ATP11C: variants seen among roughly 807,000 people sequenced by gnomAD.
ATP11C encodes the protein phospholipid-transporting ATPase IG.
Under a neutral mutation model 97.4 loss-of-function variants are expected in ATP11C, and 36 were observed. The observed-to-expected ratio is 0.37, with a 90% CI of 0.28 to 0.49. ATP11C has a LOEUF of 0.49. Among genes scored for constraint, ATP11C ranks in the 20% least tolerant of loss-of-function variants. ATP11C has a pLI of 0.98. For missense variants in ATP11C, 730 were observed against 824.6 expected, an observed-to-expected ratio of 0.89 and a Z score of 1.40; for synonymous variants, 275 against 290.9, an observed-to-expected ratio of 0.95 and a Z score of 0.56.
In ATP11C at chrX:139,932,974, A is replaced by G. The variant is rs1191325306; in HGVS notation, c.-932T>C. 2 of 111,792 alleles carry G rather than the reference A, an allele frequency of 1.8e-5. No homozygotes were observed. The highest frequency in any genetic ancestry group is 3.8e-5 in the Non-Finnish European group (2 of 53,040). The allele number at this position is 111,792 out of a possible 1,213,427, so 9.2% of individuals were successfully genotyped here. On this transcript the variant is annotated 5_prime_UTR_variant, in exon 1 of 30. Transcript: ENST00000682941. ...CACCTACGCGGCTTTCCCTCCTCTCAGTCTTTCTCTCGTCCTGCCTGCCCA... is the reference window on the plus strand; with the variant it reads ...CACCTACGCGGCTTTCCCTCCTCTCGGTCTTTCTCTCGTCCTGCCTGCCCA...
At chrX:139,899,829 C>A (rs149511573) in intron 1 of ATP11C, among the ~76,000 whole-genome samples, 10 of 111,512 alleles carry the variant, frequency 9.0e-5, no homozygotes, top group Non-Finnish European at 1.3e-4. Context: ...AATCAATGAG[C>A]CCTGGACACC....
At chrX:139,790,356 A>C (rs1048191901) in intron 12 of ATP11C, among the ~76,000 whole-genome samples, 8 of 111,355 alleles carry the variant, frequency 7.2e-5, no homozygotes, top group African/African-American at 2.0e-4. Context: ...GGCATGAGCC[A>C]CCATGCCCAG....
intron 1 of ATP11C, among the ~76,000 whole-genome samples, chrX:139,834,160 G>A (rs2083710175): frequency 8.9e-6 from 1 of 111,758 alleles, no homozygotes; most frequent in Non-Finnish European, 1.9e-5. Context: ...TGGTCCACTA[G>A]CAGAGAGTGC....
intron 1 of ATP11C, among the ~76,000 whole-genome samples, chrX:139,919,827 G>A (rs2085226315): frequency 9.0e-6 from 1 of 111,642 alleles, no homozygotes; most frequent in Middle Eastern, 4.7e-3. Flanking sequence ...GCTGAGGCAG[G>A]AGAATTGCTT....
At position 139,798,348 on chromosome X, in the gene ATP11C, G is replaced by A; in HGVS notation, c.782C>T (p.Ala261Val). The A allele has an allele frequency of 8.4e-7, 1 of 1,184,718 alleles. No individual in the cohort carries two copies. Among genetic ancestry groups the A allele is most frequent in the Non-Finnish European group, 1.1e-6 (1 of 875,855 alleles). ...LKNTEKIYGV[A>V]VYTGMETKMA... is the part of the protein sequence containing the mutation. ...TTTGGTTTCCATTCCAGTGTAAACA[G>A]CAACTCCTAAGAAATTACAGAATAT... Residue 261 changes from alanine to valine, a missense_variant, in exon 10 of 30, where the codon GCT becomes GTT. Ala to Val is a moderately conservative substitution (Grantham distance 64). Coordinates refer to ENST00000682941, the MANE Select transcript of ATP11C (RefSeq NM_001353812.2).
rs191454689 is a variant in ATP11C, at chrX:139,787,735, T to G, written c.1520+457A>C. Among the ~76,000 whole-genome samples the G allele has an allele frequency of 4.4e-5, 5 of 112,604 alleles. No homozygotes were observed. The Admixed American group carries it at 4.7e-4, about 11-fold the overall frequency. On this transcript the variant is annotated intron_variant, in intron 14 of 29. Transcript: ENST00000682941. ...AAAGTCAATGCCCAGCCACAATTAT[T>G]GTAACCAAGGGAGAGACAATTTGGG... is the stretch of plus-strand genomic sequence containing the variant.
At chrX:139,887,986 A>C (rs1387187433) in intron 1 of ATP11C, among the ~76,000 whole-genome samples, 2 of 104,265 alleles carry the variant, frequency 1.9e-5, no homozygotes, top group South Asian at 4.1e-4. Flanking sequence ...AAAAAAAAAA[A>C]CACACACACA....
At chrX:139,890,965 G>T (rs145430006) in intron 1 of ATP11C, among the ~76,000 whole-genome samples, 7 of 111,286 alleles carry the variant, frequency 6.3e-5, no homozygotes, top group African/African-American at 2.3e-4. Context: ...GCACAGTGTA[G>T]CCAGCAAACT....
intron 1 of ATP11C, among the ~76,000 whole-genome samples, chrX:139,859,587 T>C (rs2084147950): frequency 8.9e-6 from 1 of 112,056 alleles, no homozygotes; most frequent in East Asian, 2.8e-4. Flanking sequence ...AGACAAATAT[T>C]GCAACCTTAA....
chrX:139,736,465 C>T (rs2081446737), intron 28 of ATP11C, among the ~76,000 whole-genome samples: 1 of 111,482 alleles, frequency 9.0e-6, no homozygotes, highest in African/African-American at 3.3e-5. Flanking sequence ...GGAAGAGCAA[C>T]TTGGAAATCT....
Position 139,897,394 on chromosome X carries a change from G to A in ATP11C, c.27+34622C>T, listed in dbSNP as rs181564116. ...TACTAAAGGTCAACTTCAGTGAAAA[G>A]TGAATTGGGCCGAGCGCAGAGGCTC... On this transcript the variant is annotated intron_variant, in intron 1 of 29. Coordinates refer to ENST00000682941, the MANE Select transcript of ATP11C (RefSeq NM_001353812.2). Among the ~76,000 whole-genome samples, 504 of 111,354 alleles carry A rather than the reference G, an allele frequency of 4.5e-3. 4 individuals are homozygous for A. Among genetic ancestry groups the A allele is most frequent in the Middle Eastern group, 0.014 (3 of 213 alleles).
chrX:139,925,862 A>C (rs2085343508), intron 1 of ATP11C, among the ~76,000 whole-genome samples: 1 of 111,620 alleles, frequency 9.0e-6, no homozygotes, highest in African/African-American at 3.3e-5. Flanking sequence ...AACCTTCTAA[A>C]TCTGGAAATC....
chrX:139,803,531 C>A (rs953096390), intron 6 of ATP11C, among the ~76,000 whole-genome samples: 2 of 109,653 alleles, frequency 1.8e-5, no homozygotes, highest in African/African-American at 6.6e-5. Context: ...ACCGACTGTG[C>A]CAGAAAGTGT....
intron 12 of ATP11C, among the ~76,000 whole-genome samples, chrX:139,792,532 G>A (rs1411131834): frequency 9.0e-6 from 1 of 110,930 alleles, no homozygotes; most frequent in Non-Finnish European, 1.9e-5. Context: ...CAGTCTTATG[G>A]GACTGAGCCC....
intron 1 of ATP11C, among the ~76,000 whole-genome samples, chrX:139,925,107 G>A (rs747252626): frequency 9.0e-6 from 1 of 111,614 alleles, no homozygotes; most frequent in South Asian, 3.7e-4. Context: ...GGTGAACAGA[G>A]AGTGTGCCCA....
chrX:139,928,951 A>C (rs956056481), intron 1 of ATP11C, among the ~76,000 whole-genome samples: 1 of 112,108 alleles, frequency 8.9e-6, no homozygotes, highest in Non-Finnish European at 1.9e-5. Context: ...AAGAGGGGGG[A>C]ATTGTTTTTA....
rs1230117057 is a variant in ATP11C at position 139,787,079 on chromosome X, T to TAAAAATAC, written c.1592+93_1592+94insGTATTTTT. ...CTGGGAGAGCAGGGTCCTGTATTTTTAGTGGCATCATTTCCTTTGCTGCCC... is the reference window on the plus strand; with the variant it reads ...CTGGGAGAGCAGGGTCCTGTATTTTTAAAAATACAGTGGCATCATTTCCTTTGCTGCCC... On this transcript the variant is annotated intron_variant, in intron 15 of 29. Coordinates refer to ENST00000682941, the MANE Select transcript of ATP11C (RefSeq NM_001353812.2). 2.4e-5 allele frequency: 27 copies of TAAAAATAC among 1,144,403 alleles called. No individual in the cohort carries two copies. The African/African-American group carries it at 4.9e-4, about 21-fold the overall frequency. 94.3% of individuals were successfully genotyped at this position (1,144,403 alleles called of 1,213,427 possible). A position where few individuals can be genotyped will look rare whatever the true frequency, so the allele number is the denominator to read the frequency against.
In ATP11C at chrX:139,817,824, C is replaced by T. The variant is rs531747892; in HGVS notation, c.238-881G>A. 8.5e-4 allele frequency among the ~76,000 whole-genome samples: 93 copies of T among 109,431 alleles called. 1 individual carries two copies. The South Asian group carries it at 0.012, about 14-fold the overall frequency. On this transcript the variant is annotated intron_variant, in intron 3 of 29. Transcript: ENST00000682941. ...AAATGCTAATATTAAAGATGTCTTC[C>T]AAGTATCGGGTTAGCATGTCTAGGT...
intron 23 of ATP11C, among the ~76,000 whole-genome samples, chrX:139,752,281 T>G (rs182623211): frequency 2.7e-5 from 3 of 111,677 alleles, no homozygotes; most frequent in African/African-American, 9.8e-5. Flanking sequence ...TATATTTGAT[T>G]GTTGTCTTTC....
Sources: gnomAD v4.1 joint callset for allele counts (sites outside exome capture counted in the v4.1 genomes callset) on GRCh38, gnomAD v4.1.1 for gene constraint, MANE v1.5 for transcripts, NCBI Gene and HGNC (gene_info 2026-07-23, HGNC 2026-07-21) for gene names.